Variants in AUTS2 observed in about 807,000 individuals in gnomAD.
The protein encoded by AUTS2 is activator of transcription and developmental regulator AUTS2.
In AUTS2, 17 loss-of-function variants were observed where a neutral mutation model predicts 112.4. That is an observed-to-expected ratio of 0.15 (90% CI 0.10 to 0.23). The LOEUF is 0.23. Among genes scored for constraint, AUTS2 ranks in the 10% least tolerant of loss-of-function variants. The probability of loss-of-function intolerance (pLI) is 1.00; values close to 1 mark genes in which losing one functional copy is unlikely to be tolerated. For missense variants in AUTS2, 1,510 were observed against 1,701.6 expected, an observed-to-expected ratio of 0.89 and a Z score of 1.98; for synonymous variants, 751 against 702.7, an observed-to-expected ratio of 1.07 and a Z score of -1.09.
chr7:70,532,960 T>TTA (rs1800156826), intron 5 of AUTS2, among the ~76,000 whole-genome samples: 1 of 152,192 alleles, frequency 6.6e-6, no homozygotes, highest in East Asian at 1.9e-4. Flanking sequence ...CCTGAAAGGA[T>TTA]TATAATCCTC....
At chr7:69,768,155 G>T (rs1788510154) in intron 1 of AUTS2, among the ~76,000 whole-genome samples, 1 of 152,164 alleles carries the variant, frequency 6.6e-6, no homozygotes, top group Non-Finnish European at 1.5e-5. Context: ...GCAATGGGAT[G>T]GAGTGGAATT....
intron 2 of AUTS2, among the ~76,000 whole-genome samples, chr7:69,987,266 A>G (rs1423482934): frequency 6.6e-6 from 1 of 152,250 alleles, no homozygotes; most frequent in Non-Finnish European, 1.5e-5. Flanking sequence ...AGACTTTTGT[A>G]GATTAAAGAC....
intron 2 of AUTS2, among the ~76,000 whole-genome samples, chr7:70,003,486 TA>T (rs1799334327): frequency 1.6e-5 from 2 of 125,338 alleles, no homozygotes; most frequent in African/African-American, 6.3e-5. Flanking sequence ...TGAATATATA[TA>T]ATATATATGA....
chr7:69,850,865 ATCAGCATT>A (rs1021368669), intron 1 of AUTS2, among the ~76,000 whole-genome samples: 6 of 152,212 alleles, frequency 3.9e-5, no homozygotes, highest in African/African-American at 1.4e-4. Flanking sequence ...GGTCAAATTT[ATCAGCATT>A]TTATTTTATG....
intron 1 of AUTS2, among the ~76,000 whole-genome samples, chr7:69,606,895 A>T (rs1371556762): frequency 1.3e-5 from 2 of 152,192 alleles, no homozygotes; most frequent in Non-Finnish European, 2.9e-5. Context: ...AGAATTTAAG[A>T]CTGGTGAGAC....
intron 2 of AUTS2, among the ~76,000 whole-genome samples, chr7:69,996,957 A>AAAAAAAAAAAAAAAAAAAAC (rs1798972827): frequency 6.6e-6 from 1 of 150,766 alleles, no homozygotes; most frequent in African/African-American, 2.4e-5. Context: ...AAAAAAAAAA[A>AAAAAAAAAAAAAAAAAAAAC]AAAAAAAGCA....
intron 5 of AUTS2, among the ~76,000 whole-genome samples, chr7:70,531,268 T>C (rs550469916): frequency 1.2e-5 from 1 of 82,016 alleles, no homozygotes; most frequent in African/African-American, 7.1e-5. Flanking sequence ...AATAATTTAT[T>C]GTAACAAAAG....
At chr7:69,733,734 C>T (rs1481564145) in intron 1 of AUTS2, among the ~76,000 whole-genome samples, 1 of 152,132 alleles carries the variant, frequency 6.6e-6, no homozygotes, top group Non-Finnish European at 1.5e-5. Context: ...GGGTACTGTT[C>T]CTTTTCTACC....
At chr7:70,459,550 A>G (rs1324177195) in intron 5 of AUTS2, among the ~76,000 whole-genome samples, 1 of 152,216 alleles carries the variant, frequency 6.6e-6, no homozygotes, top group Non-Finnish European at 1.5e-5. Flanking sequence ...GGCTGTGTCC[A>G]GAGAAGACAT....
chr7:69,886,448 TC>T (rs570714235), intron 1 of AUTS2, among the ~76,000 whole-genome samples: 185 of 152,296 alleles, frequency 1.2e-3, no homozygotes, highest in African/African-American at 4.2e-3. Flanking sequence ...TACACACACT[TC>T]CTGATATGCT....
In AUTS2 at chr7:69,826,333, C is replaced by T. The variant is rs774195931; in HGVS notation, c.310-72953C>T. On this transcript the variant is annotated intron_variant, in intron 1 of 18. Coordinates refer to ENST00000342771, the MANE Select transcript of AUTS2 (RefSeq NM_015570.4). ...TTTATGGATAAAAAAATTTAAGATG[C>T]GGCAAGGTTAAGTGACCTGCCTAAG... Among the ~76,000 whole-genome samples, 13 of 152,172 alleles carry T rather than the reference C, an allele frequency of 8.5e-5. No individual in the cohort carries two copies. The East Asian group carries it at 9.6e-4, about 11-fold the overall frequency.
At chr7:70,161,956 T>A (rs1015215899) in intron 4 of AUTS2, among the ~76,000 whole-genome samples, 2 of 152,204 alleles carry the variant, frequency 1.3e-5, no homozygotes, top group African/African-American at 4.8e-5. Flanking sequence ...GTTACTGGCA[T>A]ACTCCTTGAT....
intron 6 of AUTS2, among the ~76,000 whole-genome samples, chr7:70,725,075 A>AT (rs758510114): frequency 2.0e-5 from 3 of 152,254 alleles, no homozygotes; most frequent in Non-Finnish European, 4.4e-5. Context: ...ATGATATCAC[A>AT]TTTTATAATT....
chr7:69,770,393 C>T (rs1263089726), intron 1 of AUTS2, among the ~76,000 whole-genome samples: 1 of 152,090 alleles, frequency 6.6e-6, no homozygotes, highest in Admixed American at 6.5e-5. Context: ...GACTCACTAC[C>T]CTCAGCCCTG....
chr7:70,481,035 A>G (rs1309794256), intron 5 of AUTS2, among the ~76,000 whole-genome samples: 1 of 152,198 alleles, frequency 6.6e-6, no homozygotes, highest in Non-Finnish European at 1.5e-5. Context: ...TTGAAGGCTC[A>G]TGTTGAAAAA....
At chr7:69,629,603 A>G (rs1243660680) in intron 1 of AUTS2, among the ~76,000 whole-genome samples, 1 of 152,182 alleles carries the variant, frequency 6.6e-6, no homozygotes, top group Non-Finnish European at 1.5e-5. Context: ...TCTAGATCCT[A>G]TCAGGTTGCC....
intron 2 of AUTS2, among the ~76,000 whole-genome samples, chr7:69,903,811 C>G (rs1270558812): frequency 6.6e-6 from 1 of 152,168 alleles, no homozygotes; most frequent in Non-Finnish European, 1.5e-5. Flanking sequence ...TTAGTAGACT[C>G]TAACCTTGCT....
At chr7:70,573,772 C>CT (rs747441710) in intron 5 of AUTS2, among the ~76,000 whole-genome samples, 2,918 of 140,222 alleles carry the variant, frequency 0.021, 82 homozygotes, top group African/African-American at 0.069. Flanking sequence ...GAGCAAAAAG[C>CT]TTTTTTTTTT....
intron 3 of AUTS2, among the ~76,000 whole-genome samples, chr7:70,123,121 C>T (rs1156858093): frequency 6.6e-6 from 1 of 152,070 alleles, no homozygotes; most frequent in East Asian, 1.9e-4. Context: ...GGTGATCCAT[C>T]CACCTTGGCC....
Sources: gnomAD v4.1 joint callset for allele counts (sites outside exome capture counted in the v4.1 genomes callset) on GRCh38, gnomAD v4.1.1 for gene constraint, MANE v1.5 for transcripts, NCBI Gene and HGNC (gene_info 2026-07-23, HGNC 2026-07-21) for gene names.